NTRK3: variants seen among roughly 807,000 people sequenced by gnomAD.
NTRK3 encodes the protein neurotrophic receptor tyrosine kinase 3, also known as NT-3 growth factor receptor.
A neutral mutation model predicts 91.7 loss-of-function variants in NTRK3; 24 were observed. The observed-to-expected ratio is 0.26, with a 90% CI of 0.19 to 0.37. The LOEUF is 0.37. Ranked by LOEUF, NTRK3 falls within the 10% of genes least tolerant of loss-of-function variation. The pLI is 1.00. For missense variants in NTRK3, 880 were observed against 1,068.9 expected (o/e 0.82, Z 2.46); for synonymous variants, 483 against 404.0 (o/e 1.20, Z -2.34).
At chr15:88,185,449 G>C (rs977513452) in intron 3 of NTRK3, among the ~76,000 whole-genome samples, 1 of 152,114 alleles carries the variant, frequency 6.6e-6, no homozygotes, top group African/African-American at 2.4e-5. Context: ...GGGATCCCCA[G>C]GTTGAGAACC....
intron 3 of NTRK3, among the ~76,000 whole-genome samples, chr15:88,194,108 C>A (rs534962122): frequency 1.1e-3 from 173 of 152,374 alleles, no homozygotes; most frequent in African/African-American, 4.1e-3. Context: ...GTTAACCACT[C>A]TTTCTTCCTT....
At chr15:88,222,551 G>C (rs1478345822) in intron 3 of NTRK3, among the ~76,000 whole-genome samples, 1 of 152,168 alleles carries the variant, frequency 6.6e-6, no homozygotes, top group African/African-American at 2.4e-5. Flanking sequence ...ATTTCACACA[G>C]AACGCAGAAC....
intron 5 of NTRK3, among the ~76,000 whole-genome samples, chr15:88,177,355 A>T (rs2046092936): frequency 1.3e-5 from 2 of 152,212 alleles, no homozygotes; most frequent in Admixed American, 1.3e-4. Flanking sequence ...GGAAAACCTA[A>T]GTTAGAAGGC....
intron 13 of NTRK3, among the ~76,000 whole-genome samples, chr15:88,066,470 C>G (rs1014023946): frequency 1.5e-4 from 23 of 152,236 alleles, no homozygotes; most frequent in African/African-American, 4.8e-4. Flanking sequence ...GAATCACACC[C>G]ACAGCTCTCT....
intron 14 of NTRK3, among the ~76,000 whole-genome samples, chr15:87,975,118 A>G (rs2141302473): frequency 6.6e-6 from 1 of 152,264 alleles, no homozygotes; most frequent in South Asian, 2.1e-4. Flanking sequence ...GTGCTTCATA[A>G]GTTACATAGA....
intron 14 of NTRK3, among the ~76,000 whole-genome samples, chr15:87,996,782 G>A (rs923676704): frequency 2.6e-5 from 4 of 152,152 alleles, no homozygotes; most frequent in African/African-American, 9.7e-5. Flanking sequence ...CAAGAACTGC[G>A]GTATACTCTA....
intron 13 of NTRK3, among the ~76,000 whole-genome samples, chr15:88,109,369 G>A (rs542381555): frequency 6.6e-6 from 1 of 152,148 alleles, no homozygotes; most frequent in Non-Finnish European, 1.5e-5. Context: ...CTCGAATCGT[G>A]GTCCTTCATC....
chr15:88,122,392 C>A, intron 13 of NTRK3, among the ~76,000 whole-genome samples: 1 of 152,092 alleles, frequency 6.6e-6, no homozygotes, highest in East Asian at 1.9e-4. Context: ...GACAGAGACA[C>A]ACAGAGACAG....
At chr15:88,127,499 C>T (rs78179213) in intron 11 of NTRK3, among the ~76,000 whole-genome samples, 1 of 152,256 alleles carries the variant, frequency 6.6e-6, no homozygotes, top group South Asian at 2.1e-4. Flanking sequence ...GCCCCAACCC[C>T]AGAGAAAATA....
chr15:88,101,878 A>C (rs1165173667), intron 13 of NTRK3, among the ~76,000 whole-genome samples: 1 of 151,928 alleles, frequency 6.6e-6, no homozygotes, highest in African/African-American at 2.4e-5. Flanking sequence ...GGGTGGGGGG[A>C]GTGGGGAAGG....
At chr15:87,951,398 A>G (rs1268946034) in intron 14 of NTRK3, among the ~76,000 whole-genome samples, 1 of 152,228 alleles carries the variant, frequency 6.6e-6, no homozygotes. Flanking sequence ...TGGTGTTGGC[A>G]AAGACCAGCA....
rs561575314 is a variant in NTRK3 at position 88,020,282 on chromosome 15, G to A, written c.1585+12575C>T. Among the ~76,000 whole-genome samples, 237 of 152,106 alleles carry A rather than the reference G, an allele frequency of 1.6e-3. 1 individual carries two copies. Among genetic ancestry groups the A allele is most frequent in the African/African-American group, 5.3e-3 (222 of 41,504 alleles). On this transcript the variant is annotated intron_variant, in intron 14 of 18. Coordinates refer to ENST00000394480, the Ensembl canonical transcript of NTRK3. ...CTTCTAGTTGAGCCCACAGAGTTTC[G>A]GTCTCATTAACCCAAAAGGAAATTG...
chr15:88,180,828 A>G (rs1392864856), intron 5 of NTRK3, among the ~76,000 whole-genome samples: 3 of 152,218 alleles, frequency 2.0e-5, no homozygotes, highest in Admixed American at 2.0e-4. Flanking sequence ...GACAGCAAAG[A>G]AACCTGGCCC....
intron 17 of NTRK3, among the ~76,000 whole-genome samples, chr15:87,904,225 G>A (rs369930036): frequency 2.7e-5 from 4 of 149,902 alleles, no homozygotes; most frequent in Non-Finnish European, 5.9e-5. Context: ...ATCTCAGCTC[G>A]CTGCAACCTC....
chr15:87,860,605 C>T (rs1560977), exon 19 of NTRK3: 107,545 of 205,764 alleles, frequency 0.52, 30,033 homozygotes, highest in Non-Finnish European at 0.61. Flanking sequence ...CGCCAGGATG[C>T]AAATAAAATC....
Position 88,233,793 on chromosome 15 carries a change from C to T in NTRK3, c.248+22113G>A, listed in dbSNP as rs1343637059. ...TCCTCCTCCCCTGACATCCAGTGCT[C>T]CCCCTCCCTGCCTTGTCCAAGAGAA... is the stretch of plus-strand genomic sequence containing the variant. On this transcript the variant is annotated intron_variant, in intron 3 of 18. Coordinates refer to ENST00000394480, the Ensembl canonical transcript of NTRK3. This position sits in a 1 kb window ranked among gnomAD's most constrained non-coding sequence, Gnocchi z 4.2. 7.1e-6 allele frequency among the ~76,000 whole-genome samples: 1 copy of T among 141,546 alleles called. No individual in the cohort carries two copies. Among genetic ancestry groups the T allele is most frequent in the Non-Finnish European group, 1.5e-5 (1 of 67,876 alleles). The allele number at this position is 141,546 out of a possible 152,430, so 92.9% of individuals were successfully genotyped here. A position where few individuals can be genotyped will look rare whatever the true frequency, so the allele number is the denominator to read the frequency against.
At chr15:88,003,314 T>C (rs1466870804) in intron 14 of NTRK3, among the ~76,000 whole-genome samples, 1 of 152,126 alleles carries the variant, frequency 6.6e-6, no homozygotes, top group Non-Finnish European at 1.5e-5. Context: ...AATGTTAAGG[T>C]CCTTTCCAGC....
At chr15:88,076,770 A>T (rs1366905172) in intron 13 of NTRK3, among the ~76,000 whole-genome samples, 1 of 151,832 alleles carries the variant, frequency 6.6e-6, no homozygotes, top group Admixed American at 6.6e-5. Flanking sequence ...GCCTAACATT[A>T]TCCAGCAAGC....
rs74605615 is a variant in NTRK3 at position 87,947,292 on chromosome 15, G to A, written c.1586-6539C>T. ...ATCCCCTAGCTGTTAGAGGTGTCCT[G>A]TGGGACTCTAAAGGCTGGGCTGAGC... On this transcript the variant is annotated intron_variant, in intron 14 of 18. Coordinates refer to ENST00000394480, the Ensembl canonical transcript of NTRK3. Among the ~76,000 whole-genome samples the A allele has an allele frequency of 5.9e-3, 904 of 152,214 alleles. 15 individuals are homozygous for A. The highest frequency in any genetic ancestry group is 0.032 in the East Asian group (168 of 5,170).
Sources: allele counts gnomAD v4.1 joint callset (sites outside exome capture counted in the v4.1 genomes callset), GRCh38; gene constraint gnomAD v4.1.1; non-coding constraint Gnocchi (gnomAD v3.1); transcripts MANE v1.5; gene names NCBI Gene and HGNC (gene_info 2026-07-23, HGNC 2026-07-21).